Variants in KIAA1671 observed in about 807,000 individuals in gnomAD.
The protein encoded by KIAA1671 is KIAA1671.
KIAA1671 carries 52 observed loss-of-function variants against 131.2 expected under a neutral mutation model. The observed-to-expected ratio is 0.40, with a 90% CI of 0.32 to 0.50. The LOEUF (loss-of-function observed/expected upper bound fraction) is 0.50. Among genes scored for constraint, KIAA1671 ranks in the 20% least tolerant of loss-of-function variants. KIAA1671 has a pLI of 0.73. For missense variants in KIAA1671, 2,360 were observed against 2,364.2 expected, an observed-to-expected ratio of 1.00 and a Z score of 0.04; for synonymous variants, 1,003 against 961.6, an observed-to-expected ratio of 1.04 and a Z score of -0.80.
At chr22:25,049,538 T>C in intron 6 of KIAA1671, 174 bp downstream of exon 6, 1 of 674,488 alleles carries the variant, frequency 1.5e-6, no homozygotes, top group Non-Finnish European at 2.4e-6. Context: ...TGGTTCTTGA[T>C]GTGGAGGGTG....
chr22:25,097,988 C>T (rs1930470732), intron 6 of KIAA1671, among the ~76,000 whole-genome samples: 1 of 152,126 alleles, frequency 6.6e-6, no homozygotes. Flanking sequence ...GGACAACATC[C>T]CACCAAGGAG....
chr22:25,020,108 G>A (rs1203565887), intron 1 of KIAA1671, among the ~76,000 whole-genome samples: 1 of 152,154 alleles, frequency 6.6e-6, no homozygotes, highest in African/African-American at 2.4e-5. Context: ...TGTTTTGCCC[G>A]GGGTGAGGGG....
chr22:25,187,573 A>G (rs1934521033), intron 11 of KIAA1671, among the ~76,000 whole-genome samples: 1 of 152,094 alleles, frequency 6.6e-6, no homozygotes, highest in African/African-American at 2.4e-5. Flanking sequence ...CTGGAATGCA[A>G]TGGCATGATT....
At chr22:25,141,956 T>G (rs1482405344) in intron 6 of KIAA1671, among the ~76,000 whole-genome samples, 1 of 152,196 alleles carries the variant, frequency 6.6e-6, no homozygotes, top group Non-Finnish European at 1.5e-5. Context: ...TTCCCAGTCT[T>G]TAATGATAAT....
intron 6 of KIAA1671, among the ~76,000 whole-genome samples, chr22:25,158,418 C>A (rs1433200498): frequency 6.6e-6 from 1 of 152,116 alleles, no homozygotes; most frequent in Admixed American, 6.5e-5. Flanking sequence ...AGAACACAGT[C>A]AAACGATAAT....
At chr22:25,106,229 C>A (rs1347662308) in intron 6 of KIAA1671, among the ~76,000 whole-genome samples, 2 of 152,216 alleles carry the variant, frequency 1.3e-5, no homozygotes, top group Non-Finnish European at 2.9e-5. Flanking sequence ...AGCCCAGTCC[C>A]ATGGGGACCC....
At chr22:25,150,849 T>TTTTTTTTTTTTTTTTTTA (rs1933011930) in intron 6 of KIAA1671, among the ~76,000 whole-genome samples, 1 of 150,534 alleles carries the variant, frequency 6.6e-6, no homozygotes. Context: ...TTTTTTTTTT[T>TTTTTTTTTTTTTTTTTTA]TGAGATGGAG....
At chr22:25,002,940 C>T (rs1382699727) in intron 1 of KIAA1671, among the ~76,000 whole-genome samples, 4 of 152,034 alleles carry the variant, frequency 2.6e-5, no homozygotes, top group Admixed American at 2.0e-4. Flanking sequence ...CCCCCAGTGC[C>T]CAGCTAATTT....
At chr22:25,160,667 C>T (rs779387473) in intron 6 of KIAA1671, among the ~76,000 whole-genome samples, 11 of 152,152 alleles carry the variant, frequency 7.2e-5, no homozygotes, top group Non-Finnish European at 1.6e-4. Context: ...AGACCCTGGA[C>T]CATCCCCCTG....
Position 25,049,297 on chromosome 22 carries a change from C to T in KIAA1671, c.4463C>T (p.Ser1488Phe). ...QEKERPLQQV[S>F]PVASVPWRSH... ...AAGGAGCGACCGCTCCAGCAGGTGT[C>T]CCCTGTGGCCTCGGTTCCCTGGAGA... The change falls in exon 6 of 13, where the codon TCC becomes TTC. Residue 1488 changes from serine (S) to phenylalanine (F), a missense_variant. Around this residue, in one of 3 missense-constraint regions of KIAA1671, gnomAD observed 1,161 missense variants for 1,204.7 expected, o/e 0.96. Transcript: ENST00000358431. 2 of 1,551,780 alleles carry T rather than the reference C, an allele frequency of 1.3e-6. No individual in the cohort carries two copies. The highest frequency in any genetic ancestry group is 2.4e-5 in the South Asian group (2 of 84,058).
chr22:25,075,932 T>C (rs374882403), intron 6 of KIAA1671, among the ~76,000 whole-genome samples: 9 of 151,988 alleles, frequency 5.9e-5, no homozygotes, highest in Non-Finnish European at 1.3e-4. Flanking sequence ...CCTGCCACCA[T>C]GCCCGGCTAA....
intron 6 of KIAA1671, among the ~76,000 whole-genome samples, chr22:25,101,915 G>A (rs574749717): frequency 1.7e-4 from 26 of 152,288 alleles, no homozygotes; most frequent in Middle Eastern, 3.4e-3. Context: ...ATTCGGTAGG[G>A]GTTACATAGG....
In KIAA1671 at chr22:25,103,245, C is replaced by T. The variant is rs150079868; in HGVS notation, c.4530+53881C>T. 2.2e-3 allele frequency among the ~76,000 whole-genome samples: 328 copies of T among 150,670 alleles called. 2 individuals are homozygous for T. Among genetic ancestry groups the T allele is most frequent in the African/African-American group, 7.6e-3 (311 of 40,984 alleles). ...TTTTTTTTGAGAACGGCGTCTCGCT[C>T]TGTCACCCAGGCTGGAGTGCAGTGG... is the stretch of plus-strand genomic sequence containing the variant. On this transcript the variant is annotated intron_variant, in intron 6 of 12. Coordinates refer to ENST00000358431, the MANE Select transcript of KIAA1671 (RefSeq NM_001145206.2).
intron 6 of KIAA1671, among the ~76,000 whole-genome samples, chr22:25,119,560 T>C (rs904758815): frequency 1.3e-5 from 2 of 152,152 alleles, no homozygotes; most frequent in African/African-American, 4.8e-5. Context: ...GGGAGACACA[T>C]TAAACAATTA....
intron 6 of KIAA1671, among the ~76,000 whole-genome samples, chr22:25,100,892 A>AT (rs932918185): frequency 1.3e-5 from 2 of 152,084 alleles, no homozygotes; most frequent in African/African-American, 4.8e-5. Flanking sequence ...AGGCCTTCTC[A>AT]TTTTTTCAAT....
chr22:25,185,040 C>T lies in KIAA1671; in HGVS notation c.5263C>T (p.Pro1755Ser). 6.4e-7 allele frequency: 1 copy of T among 1,551,632 alleles called. No homozygotes were observed. ...PGETPSWAPQ[P>S]KSPKSPFQPG... ...CGAGACCCCCAGCTGGGCACCCCAA[C>T]CCAAGAGCCCCAAGTCCCCCTTCCA... Residue 1755 changes from proline to serine, a missense_variant, in exon 11 of 13, where the codon CCC becomes TCC. This residue lies in a region of KIAA1671 where 1,161 missense variants were observed against 1,204.7 expected (regional missense o/e 0.96). Coordinates refer to ENST00000358431, the MANE Select transcript of KIAA1671 (RefSeq NM_001145206.2).
At chr22:25,065,460 G>T (rs1306746493) in intron 6 of KIAA1671, among the ~76,000 whole-genome samples, 1 of 152,056 alleles carries the variant, frequency 6.6e-6, no homozygotes, top group Non-Finnish European at 1.5e-5. Flanking sequence ...CTTCTCACAG[G>T]CTGGAAGATG....
intron 5 of KIAA1671, among the ~76,000 whole-genome samples, chr22:25,042,219 G>A (rs967507978): frequency 1.3e-5 from 2 of 152,304 alleles, no homozygotes; most frequent in South Asian, 2.1e-4. Context: ...CATGCAGCGC[G>A]CCGGCCACCT....
chr22:25,190,853 G>C, intron 12 of KIAA1671, 69 bp downstream of exon 12: 2 of 1,100,890 alleles, frequency 1.8e-6, no homozygotes, highest in South Asian at 2.7e-5. Flanking sequence ...ACTCAGGGGG[G>C]CCACGCTTCA....
Sources: allele counts gnomAD v4.1 joint callset (sites outside exome capture counted in the v4.1 genomes callset), GRCh38; gene constraint gnomAD v4.1.1; regional missense constraint gnomAD v4.1.1; transcripts MANE v1.5; gene names NCBI Gene and HGNC (gene_info 2026-07-23, HGNC 2026-07-21).